BCOR: variants seen among roughly 807,000 people sequenced by gnomAD.
The protein encoded by BCOR is BCL6 corepressor.
In BCOR, 10 loss-of-function variants were observed where a neutral mutation model predicts 86.7. That is an observed-to-expected ratio of 0.12 (90% CI 0.07 to 0.20). The LOEUF is 0.20. BCOR is among the 10% of genes least tolerant of loss of function. The pLI is 1.00. For missense variants in BCOR, 1,259 were observed against 1,452.1 expected (o/e 0.87, Z 2.16); for synonymous variants, 611 against 609.0 (o/e 1.00, Z -0.05).
chrX:40,062,275 G>A lies in BCOR; in HGVS notation c.4292C>T (p.Ser1431Phe), dbSNP rs369432845. 8.3e-7 allele frequency: 1 copy of A among 1,209,005 alleles called. No individual in the cohort carries two copies. Among genetic ancestry groups the A allele is most frequent in the Non-Finnish European group, 1.1e-6 (1 of 894,881 alleles). Residue 1431 changes from serine to phenylalanine, a missense_variant, in exon 10 of 15, where the codon TCC becomes TTC. Physicochemically the swap from Ser to Phe is radical, Grantham distance 155. This residue lies in a region of BCOR where 305 missense variants were observed against 286.1 expected (regional missense o/e 1.07). Coordinates refer to ENST00000378444, the MANE Select transcript of BCOR (RefSeq NM_001123385.2). The part of the protein sequence containing the change: ...RLQQLLPASQ[S>F]TQLPCSSSPQ... Reference sequence around the variant, plus strand: ...GGAACTTGAGCATGGCAGCTGTGTGGACTGGGAGGCTGGTAGCAGTTGCTG... The same window carrying A: ...GGAACTTGAGCATGGCAGCTGTGTGAACTGGGAGGCTGGTAGCAGTTGCTG...
At chrX:40,076,312 C>T in intron 3 of BCOR, 142 bp downstream of exon 3, 1 of 478,140 alleles carries the variant, frequency 2.1e-6, no homozygotes, top group Admixed American at 2.8e-5. Context: ...CTTGTCCTCT[C>T]GCAGAGGCCT....
chrX:40,067,073 G>C (rs1935241794), intron 6 of BCOR, among the ~76,000 whole-genome samples: 1 of 111,667 alleles, frequency 9.0e-6, no homozygotes, highest in Admixed American at 9.4e-5. Flanking sequence ...ATCTTTCTCA[G>C]GGAGAAAGTT....
In BCOR at chrX:40,073,414, C is replaced by T; in HGVS notation, c.1932G>A (p.Glu644=). 4 of 1,212,303 alleles carry T rather than the reference C, an allele frequency of 3.3e-6. No individual in the cohort carries two copies. The highest frequency in any genetic ancestry group is 4.5e-6 in the Non-Finnish European group (4 of 895,652). The change falls in exon 4 of 15, where the codon GAG becomes GAA. Residue 644 remains glutamate, a synonymous_variant. Coordinates refer to ENST00000378444, the MANE Select transcript of BCOR (RefSeq NM_001123385.2). The part of the protein sequence containing the change: ...PPSSIFLSPN[E]AFRSPPIPYP... ...AGGGAATTGGTGGGGACCTGAATGC[C>T]TCATTTGGAGACAGAAATATAGAGC...
chrX:40,175,928 C>A (rs756038755), intron 1 of BCOR, among the ~76,000 whole-genome samples: 1 of 112,948 alleles, frequency 8.9e-6, no homozygotes, highest in East Asian at 2.8e-4. Flanking sequence ...CCAGACCACG[C>A]TACCCTACTT....
chrX:40,105,150 TC>T (rs1417654754), intron 1 of BCOR, among the ~76,000 whole-genome samples: 1 of 110,316 alleles, frequency 9.1e-6, no homozygotes. Flanking sequence ...GCGCGGCCGT[TC>T]CCGCGGGGTC....
rs587778098 is a variant in BCOR, at chrX:40,072,837, G to C, written c.2509C>G (p.Pro837Ala). 8 of 1,209,835 alleles carry C rather than the reference G, an allele frequency of 6.6e-6. No homozygotes were observed. The Admixed American group carries it at 1.7e-4, about 26-fold the overall frequency. ...AAESVGQSAE[P>A]PKPSVEPALQ... ...GCCGGCTCAACTGAGGGCTTGGGGG[G>C]CTCAGCGCTCTGGCCAACACTCTCT... Residue 837 changes from proline to alanine, a missense_variant, in exon 4 of 15, where the codon CCC (proline) becomes GCC (alanine). This residue lies in a region of BCOR where 534 missense variants were observed against 594.8 expected (regional missense o/e 0.90). Coordinates refer to ENST00000378444, the MANE Select transcript of BCOR (RefSeq NM_001123385.2).
In BCOR at chrX:40,072,649, T is replaced by C. The variant is rs772158011; in HGVS notation, c.2697A>G (p.Pro899=). The change falls in exon 4 of 15, where the codon CCA becomes CCG. Residue 899 remains proline (P), a synonymous_variant. Coordinates refer to ENST00000378444, the MANE Select transcript of BCOR (RefSeq NM_001123385.2). The stretch of plus-strand genomic sequence containing the variant: ...CGCTCCCCAGAGGTGGCTCCAGGAA[T>C]GGAGTCGAGACTGGCAACCCTAGGT... ...KENLGLPVST[P]FLEPPLGSDG... is the part of the protein sequence containing the mutation. The C allele has an allele frequency of 1.3e-5, 16 of 1,210,479 alleles. No individual in the cohort carries two copies. Among genetic ancestry groups the C allele is most frequent in the Non-Finnish European group, 1.8e-5 (16 of 895,334 alleles).
intron 1 of BCOR, among the ~76,000 whole-genome samples, chrX:40,153,155 G>T (rs1431618047): frequency 3.5e-5 from 4 of 113,213 alleles, no homozygotes; most frequent in Non-Finnish European, 5.6e-5. Flanking sequence ...GGACAGCGGC[G>T]GGGGGAGGGG....
intron 1 of BCOR, among the ~76,000 whole-genome samples, chrX:40,158,456 C>G (rs1240874344): frequency 8.9e-6 from 1 of 112,599 alleles, no homozygotes; most frequent in South Asian, 3.6e-4. Context: ...CGAGGCCCCC[C>G]TCCCCGCTGC....
In BCOR at chrX:40,074,959, G is replaced by A. The variant is rs769854762; in HGVS notation, c.387C>T (p.Pro129=). The part of the protein sequence containing the change: ...NPEMQFKPNT[P]ETVEASAVSG... ...AGACGGCAGAAGCCTCCACTGTCTC[G>A]GGTGTATTCGGTTTGAACTGCATCT... Residue 129 remains proline, a synonymous_variant, in exon 4 of 15, where the codon CCC becomes CCT. Coordinates refer to ENST00000378444, the MANE Select transcript of BCOR (RefSeq NM_001123385.2). 13 of 1,208,806 alleles carry A rather than the reference G, an allele frequency of 1.1e-5. No individual in the cohort carries two copies. The highest frequency in any genetic ancestry group is 3.5e-5 in the South Asian group (2 of 56,699).
chrX:40,136,507 C>T (rs898062126), intron 1 of BCOR, among the ~76,000 whole-genome samples: 2 of 112,102 alleles, frequency 1.8e-5, no homozygotes, highest in African/African-American at 6.5e-5. Context: ...TTCCATCTCT[C>T]TGTAGCCTCA....
chrX:40,069,131 C>T (rs1388773484), intron 6 of BCOR, among the ~76,000 whole-genome samples: 2 of 112,615 alleles, frequency 1.8e-5, no homozygotes, highest in Admixed American at 1.9e-4. Flanking sequence ...GCATGCTGTA[C>T]CCTGGATGAG....
chrX:40,150,117 T>C (rs1938139431), intron 1 of BCOR, among the ~76,000 whole-genome samples: 2 of 112,777 alleles, frequency 1.8e-5, no homozygotes, highest in African/African-American at 6.5e-5. Flanking sequence ...GAGGAACATG[T>C]ATTACTCTCT....
At chrX:40,083,748 C>T (rs373111296) in intron 1 of BCOR, among the ~76,000 whole-genome samples, 2 of 112,412 alleles carry the variant, frequency 1.8e-5, no homozygotes, top group African/African-American at 6.4e-5. Context: ...GGCCGCACCA[C>T]GGCACACACT....
At chrX:40,081,981 G>A (rs765441621) in intron 1 of BCOR, among the ~76,000 whole-genome samples, 3 of 112,795 alleles carry the variant, frequency 2.7e-5, no homozygotes, top group Non-Finnish European at 5.6e-5. Flanking sequence ...GGAACACATA[G>A]GAGAGCTTGG....
intron 1 of BCOR, among the ~76,000 whole-genome samples, chrX:40,168,878 TCATCGTGCAGGCTCCAGGCG>T (rs1468643394): frequency 8.8e-6 from 1 of 113,121 alleles, no homozygotes; most frequent in Non-Finnish European, 1.9e-5. Context: ...GCAATATTTA[TCATCGTGCAGGCTCCAGGCG>T]CTTCGTGCCT....
chrX:40,071,885 C>A, intron 4 of BCOR, 195 bp from the exon 5 acceptor site: 1 of 415,929 alleles, frequency 2.4e-6, no homozygotes, highest in Non-Finnish European at 4.2e-6. Flanking sequence ...CATACTCTAT[C>A]CCTTTAAGCA....
In BCOR at chrX:40,139,478, T is replaced by TAATATATATAC. The variant is rs1193900072; in HGVS notation, c.-41+37528_-41+37529insGTATATATATT. 5.0e-4 allele frequency among the ~76,000 whole-genome samples: 6 copies of TAATATATATAC among 12,056 alleles called. 1 individual carries two copies. Among genetic ancestry groups the TAATATATATAC allele is most frequent in the Non-Finnish European group, 7.2e-4 (6 of 8,373 alleles). The allele number at this position is 12,056 out of a possible 115,157, so 10.5% of individuals were successfully genotyped here. A position where few individuals can be genotyped will look rare whatever the true frequency, so the allele number is the denominator to read the frequency against. ...ATACATATATATATATATATATATA[T>TAATATATATAC]ATATATATATATATATATATTTTTT... On this transcript the variant is annotated intron_variant, in intron 1 of 14. Coordinates refer to the BCOR transcript ENST00000342274.
chrX:40,124,866 C>T (rs924610832), intron 1 of BCOR, among the ~76,000 whole-genome samples: 1 of 111,212 alleles, frequency 9.0e-6, no homozygotes, highest in East Asian at 2.8e-4. Context: ...GCCACTGTGA[C>T]TGGCCCACAA....
Sources: gnomAD v4.1 joint callset for allele counts (sites outside exome capture counted in the v4.1 genomes callset) on GRCh38, gnomAD v4.1.1 for gene constraint, gnomAD v4.1.1 regional missense constraint, MANE v1.5 for transcripts, NCBI Gene and HGNC (gene_info 2026-07-23, HGNC 2026-07-21) for gene names.